Variants in MIDEAS observed in about 807,000 individuals in gnomAD.
The protein encoded by MIDEAS is mitotic deacetylase associated SANT domain protein.
In MIDEAS, 26 loss-of-function variants were observed where a neutral mutation model predicts 102.7. The observed-to-expected ratio is 0.25, with a 90% CI of 0.19 to 0.35. The LOEUF (loss-of-function observed/expected upper bound fraction) is 0.35. Among genes scored for constraint, MIDEAS ranks in the 10% least tolerant of loss-of-function variants. The probability of loss-of-function intolerance (pLI) is 1.00; values close to 1 mark genes in which losing one functional copy is unlikely to be tolerated. For synonymous variants in MIDEAS, 585 were observed against 591.0 expected (o/e 0.99, Z 0.15); for missense variants, 1,231 against 1,435.6 (o/e 0.86, Z 2.30).
chr14:73,783,691 G>A (rs2053777356), intron 1 of MIDEAS, among the ~76,000 whole-genome samples: 1 of 152,232 alleles, frequency 6.6e-6, no homozygotes, highest in Non-Finnish European at 1.5e-5. Flanking sequence ...CGTTTGCCCT[G>A]TGTCATGCAG....
intron 1 of MIDEAS, among the ~76,000 whole-genome samples, chr14:73,754,711 AG>A (rs1367888007): frequency 1.3e-5 from 2 of 152,058 alleles, no homozygotes; most frequent in African/African-American, 4.8e-5. Flanking sequence ...GAAGGCCAGG[AG>A]GGGAGGAGGA....
At chr14:73,745,006 C>T (rs999098586) in intron 1 of MIDEAS, among the ~76,000 whole-genome samples, 3 of 152,190 alleles carry the variant, frequency 2.0e-5, no homozygotes, top group African/African-American at 7.2e-5. Context: ...TGTACCTTGG[C>T]ACTTGGTTTG....
At position 73,725,143 on chromosome 14, in the gene MIDEAS, C is replaced by A; in HGVS notation, c.2574+129G>T. On this transcript the variant is annotated intron_variant, in intron 9 of 12. Transcript: ENST00000423556. The surrounding 1 kb of genome is among the most constrained non-coding windows in gnomAD (Gnocchi z 4.1). The stretch of plus-strand genomic sequence containing the variant: ...TCTTTCTTGTATTGTTTAGGAAATT[C>A]TCTCTGAGGCTACTCAGTAGCATTG... 1.4e-6 allele frequency: 1 copy of A among 707,236 alleles called. No individual in the cohort carries two copies. The highest frequency in any genetic ancestry group is 2.5e-5 in the East Asian group (1 of 39,670). The allele number at this position is 707,236 out of a possible 1,614,324, so 43.8% of individuals were successfully genotyped here.
Position 73,718,993 on chromosome 14 carries a change from C to A in MIDEAS, c.3150G>T (p.Val1050=). Residue 1050 remains valine (V), a synonymous_variant, in exon 13 of 13, where the codon GTG becomes GTT. Coordinates refer to ENST00000423556, the MANE Select transcript of MIDEAS (RefSeq NM_001367710.1). ...TCTTCATATGCGCACTGCGGCTCTT[C>A]ACCTTGTAAAACACCCTGCAGCCGG... The part of the protein sequence containing the change: ...CKKCGRVFYK[V]KSRSAHMKSH... The A allele has an allele frequency of 6.7e-7, 1 of 1,494,094 alleles. No individual in the cohort carries two copies. 92.6% of individuals were successfully genotyped at this position (1,494,094 alleles called of 1,614,324 possible). A position where few individuals can be genotyped will look rare whatever the true frequency, so the allele number is the denominator to read the frequency against.
intron 3 of MIDEAS, among the ~76,000 whole-genome samples, chr14:73,731,171 G>A (rs893096628): frequency 3.3e-5 from 5 of 152,194 alleles, no homozygotes; most frequent in East Asian, 1.9e-4. Context: ...TCCCTTGCTC[G>A]ATTCCTATAA....
chr14:73,721,450 C>G lies in MIDEAS; in HGVS notation c.2784G>C (p.Arg928Ser). The change falls in exon 11 of 13, where the codon AGG (arginine) becomes AGC (serine). Residue 928 changes from arginine (R) to serine (S), a missense_variant. Physicochemically the swap from Arg to Ser is moderately radical, Grantham distance 110. Around this residue, in one of 5 missense-constraint regions of MIDEAS, gnomAD observed 391 missense variants for 483.0 expected, o/e 0.81. Coordinates refer to ENST00000423556, the MANE Select transcript of MIDEAS (RefSeq NM_001367710.1). ...LPRRESPSEE[R>S]LEPKREVKEP... ...CCTTCACCTCCCTCTTGGGCTCCAGCCTCTCTTCACTTGGGGACTCTCTTC... is the reference window on the plus strand; with the variant it reads ...CCTTCACCTCCCTCTTGGGCTCCAGGCTCTCTTCACTTGGGGACTCTCTTC... The G allele has an allele frequency of 6.2e-7, 1 of 1,614,144 alleles. No individual in the cohort carries two copies.
At chr14:73,745,802 G>C (rs1030682533) in intron 1 of MIDEAS, among the ~76,000 whole-genome samples, 1 of 152,220 alleles carries the variant, frequency 6.6e-6, no homozygotes, top group African/African-American at 2.4e-5. Flanking sequence ...AAACAAGGAG[G>C]CTCTGATACA....
chr14:73,762,007 T>C (rs1168576124), upstream of MIDEAS, among the ~76,000 whole-genome samples: 1 of 152,210 alleles, frequency 6.6e-6, no homozygotes, highest in African/African-American at 2.4e-5. Context: ...TTTTACTTTT[T>C]TCATTTGCCT....
At chr14:73,753,605 G>C (rs2053448097) in intron 1 of MIDEAS, among the ~76,000 whole-genome samples, 2 of 152,344 alleles carry the variant, frequency 1.3e-5, no homozygotes, top group Middle Eastern at 3.4e-3. Flanking sequence ...GGGTGGCTCA[G>C]ACATCGTTAT....
chr14:73,783,611 G>A (rs1313651536), intron 1 of MIDEAS, among the ~76,000 whole-genome samples: 1 of 152,186 alleles, frequency 6.6e-6, no homozygotes, highest in Non-Finnish European at 1.5e-5. Flanking sequence ...TACAGAGCAG[G>A]CCTTTATCCG....
In MIDEAS at chr14:73,718,643, T is replaced by C. The variant is rs2140089716; in HGVS notation, c.*200A>G. The C allele has an allele frequency of 2.1e-6, 1 of 469,980 alleles. No homozygotes were observed. The highest frequency in any genetic ancestry group is 3.8e-5 in the East Asian group (1 of 26,554). The allele number at this position is 469,980 out of a possible 1,614,324, so 29.1% of individuals were successfully genotyped here. On this transcript the variant is annotated 3_prime_UTR_variant, in exon 13 of 13. Transcript: ENST00000423556. ...CCGACAGACCAAATGCAAAGAGAGC[T>C]GGATCCTGGAGCCCTTAACGCTGCT...
intron 1 of MIDEAS, among the ~76,000 whole-genome samples, chr14:73,786,173 C>T (rs529167052): frequency 1.6e-4 from 25 of 152,356 alleles, no homozygotes; most frequent in African/African-American, 5.3e-4. Flanking sequence ...GCCGCCGCCG[C>T]TACAGTTGCA....
rs146245919 is a variant in MIDEAS, at chr14:73,787,102, C to G, written c.-248G>C. 0.059 allele frequency: 8,796 copies of G among 149,994 alleles called. 634 individuals are homozygous for G. The highest frequency in any genetic ancestry group is 0.17 in the African/African-American group (7,057 of 41,284). 9.3% of individuals were successfully genotyped at this position (149,994 alleles called of 1,614,324 possible). ...AGGGGGCGCCGAGCCCGCGGCTTACCTGCGTGCTGGATCCCCGGGCTGCTC... is the reference window on the plus strand; with the variant it reads ...AGGGGGCGCCGAGCCCGCGGCTTACGTGCGTGCTGGATCCCCGGGCTGCTC... On this transcript the variant is annotated splice_region_variant and 5_prime_UTR_variant, in exon 1 of 12. Coordinates refer to the MIDEAS transcript ENST00000394071.
chr14:73,727,587 A>C (rs2053081305), intron 4 of MIDEAS, 63 bp from the exon 5 acceptor site: 4 of 1,474,928 alleles, frequency 2.7e-6, no homozygotes, highest in African/African-American at 1.4e-5. Flanking sequence ...CCCCAATCCT[A>C]GTGGCTGCCC....
At chr14:73,731,803 CTG>C (rs746426657) in intron 3 of MIDEAS, among the ~76,000 whole-genome samples, 11 of 152,360 alleles carry the variant, frequency 7.2e-5, no homozygotes, top group East Asian at 1.9e-4. Context: ...GTTTTGATAA[CTG>C]TGAAATCTGG....
chr14:73,785,596 A>G (rs1025155014), intron 1 of MIDEAS, among the ~76,000 whole-genome samples: 1 of 152,214 alleles, frequency 6.6e-6, no homozygotes, highest in African/African-American at 2.4e-5. Context: ...TCAGTCACAC[A>G]TGGTCTGACG....
At chr14:73,727,398 GCA>G in intron 5 of MIDEAS, 58 bp downstream of exon 5, 1 of 1,572,592 alleles carries the variant, frequency 6.4e-7, no homozygotes, top group Non-Finnish European at 8.7e-7. Flanking sequence ...GGGCCCACCT[GCA>G]CACACTGCAC....
At chr14:73,756,854 T>C (rs765589961) in intron 1 of MIDEAS, among the ~76,000 whole-genome samples, 6 of 152,182 alleles carry the variant, frequency 3.9e-5, no homozygotes, top group Non-Finnish European at 8.8e-5. Context: ...TCACCCACGG[T>C]GGACTGACAT....
In MIDEAS at chr14:73,737,269, T is replaced by G; in HGVS notation, c.1478A>C (p.Lys493Thr). 6.2e-7 allele frequency: 1 copy of G among 1,612,236 alleles called. No homozygotes were observed. Among genetic ancestry groups the G allele is most frequent in the South Asian group, 1.1e-5 (1 of 91,014 alleles). The part of the protein sequence containing the change: ...KDGSGSEEKR[K>T]SVLASTTKCG... Reference sequence around the variant, plus strand: ...CTTGGTAGTTGAGGCCAATACACTTTTCCGCTTCTCTTCAGAACCACTGCC... The same window carrying G: ...CTTGGTAGTTGAGGCCAATACACTTGTCCGCTTCTCTTCAGAACCACTGCC... The change falls in exon 3 of 13, where the codon AAA (lysine) becomes ACA (threonine). Residue 493 changes from lysine to threonine, a missense_variant. This residue lies in a region of MIDEAS where 758 missense variants were observed against 856.0 expected (regional missense o/e 0.89). Coordinates refer to ENST00000423556, the MANE Select transcript of MIDEAS (RefSeq NM_001367710.1).
Sources: gnomAD v4.1 joint callset for allele counts (sites outside exome capture counted in the v4.1 genomes callset) on GRCh38, gnomAD v4.1.1 for gene constraint, gnomAD v4.1.1 regional missense constraint, Gnocchi (gnomAD v3.1) non-coding constraint, MANE v1.5 for transcripts, NCBI Gene and HGNC (gene_info 2026-07-23, HGNC 2026-07-21) for gene names.